UBE2G2: variants seen among roughly 807,000 people sequenced by gnomAD.
The protein encoded by UBE2G2 is ubiquitin conjugating enzyme E2 G2.
In UBE2G2, 10 loss-of-function variants were observed where a neutral mutation model predicts 23.0. That is an observed-to-expected ratio of 0.43 (90% CI 0.27 to 0.74). The LOEUF is 0.74. Among genes scored for constraint, UBE2G2 ranks in the 30% least tolerant of loss-of-function variants. The pLI is 0.19. For missense variants in UBE2G2, 150 were observed against 218.3 expected (o/e 0.69, Z 1.97); for synonymous variants, 86 against 81.3 (o/e 1.06, Z -0.31).
chr21:44,787,092 C>CAAA (rs11448217), intron 3 of UBE2G2, among the ~76,000 whole-genome samples: 1 of 141,122 alleles, frequency 7.1e-6, no homozygotes, highest in Non-Finnish European at 1.5e-5. Flanking sequence ...AACTCCATCT[C>CAAA]AAAAAAAAAA....
rs1293507381 is a variant in UBE2G2 at position 44,768,817 on chromosome 21, T to C, written c.*2560A>G. ...AAAGCTGCAAAATGTCATTTATAGG[T>C]TAGTGAACACATCCGTCTCACAGAC... is the stretch of plus-strand genomic sequence containing the variant. On this transcript the variant is annotated 3_prime_UTR_variant, in exon 6 of 6. Transcript: ENST00000345496. The C allele has an allele frequency of 1.3e-5, 2 of 152,204 alleles. No homozygotes were observed. Among genetic ancestry groups the C allele is most frequent in the Admixed American group, 6.5e-5 (1 of 15,280 alleles). 9.4% of individuals were successfully genotyped at this position (152,204 alleles called of 1,614,324 possible).
intron 3 of UBE2G2, among the ~76,000 whole-genome samples, chr21:44,779,507 AC>A (rs11373620): frequency 6.1e-5 from 9 of 148,752 alleles, no homozygotes; most frequent in South Asian, 4.3e-4. Flanking sequence ...CCGGATGAGT[AC>A]CCCCCCCGGC....
chr21:44,776,112 G>A (rs1179024453), intron 4 of UBE2G2, among the ~76,000 whole-genome samples: 1 of 152,136 alleles, frequency 6.6e-6, no homozygotes. Flanking sequence ...CACCAGTGAA[G>A]TGGCCGGGGG....
chr21:44,797,010 T>G (rs755351537), intron 1 of UBE2G2, among the ~76,000 whole-genome samples: 147 of 152,172 alleles, frequency 9.7e-4, no homozygotes, highest in Non-Finnish European at 1.4e-3. Flanking sequence ...TCCAGAATAA[T>G]CTCCCACTCT....
intron 4 of UBE2G2, 99 bp downstream of exon 4, chr21:44,777,200 A>C: frequency 1.0e-6 from 1 of 1,004,792 alleles, no homozygotes; most frequent in Admixed American, 2.2e-5. Flanking sequence ...CTAAAGATCT[A>C]CATCATAGAC....
At chr21:44,785,097 C>A (rs2082985106) in intron 3 of UBE2G2, among the ~76,000 whole-genome samples, 1 of 152,196 alleles carries the variant, frequency 6.6e-6, no homozygotes, top group Non-Finnish European at 1.5e-5. Context: ...TGGGCAAGAC[C>A]TGTAACCATC....
intron 1 of UBE2G2, among the ~76,000 whole-genome samples, chr21:44,791,853 G>A (rs1271268014): frequency 6.6e-6 from 1 of 152,204 alleles, no homozygotes; most frequent in African/African-American, 2.4e-5. Context: ...AGTAGCTGAA[G>A]GGGGTGGGTG....
intron 3 of UBE2G2, among the ~76,000 whole-genome samples, chr21:44,779,375 G>GGT (rs1569295271): frequency 1.5e-5 from 2 of 136,034 alleles, no homozygotes; most frequent in African/African-American, 5.3e-5. Flanking sequence ...CTGGGGTGGG[G>GGT]GGGGGGTACT....
chr21:44,783,349 CT>C (rs1555961539), intron 3 of UBE2G2, among the ~76,000 whole-genome samples: 2 of 152,216 alleles, frequency 1.3e-5, no homozygotes, highest in Non-Finnish European at 2.9e-5. Flanking sequence ...GGAAGATAGT[CT>C]GATAGTTTCT....
intron 4 of UBE2G2, 119 bp downstream of exon 4, chr21:44,777,177 TAAG>T (rs1345065992): frequency 1.2e-6 from 1 of 845,200 alleles, no homozygotes. Flanking sequence ...TTTCAAAACA[TAAG>T]AAGTGTTTTC....
At chr21:44,799,848 A>C (rs1555964482) in intron 1 of UBE2G2, 1 of 152,226 alleles carries the variant, frequency 6.6e-6, no homozygotes, top group African/African-American at 2.4e-5. Flanking sequence ...AATCATTTCT[A>C]GCTTTTGATT....
rs144254488 is a variant in UBE2G2, at chr21:44,770,996, C to G, written c.*381G>C. On this transcript the variant is annotated 3_prime_UTR_variant, in exon 6 of 6. Transcript: ENST00000345496. Reference sequence around the variant, plus strand: ...CAGGGCCCCATTTCTTCAGAAGGAGCGTTCTGGGTATTCCATCGTCCCCTG... The same window carrying G: ...CAGGGCCCCATTTCTTCAGAAGGAGGGTTCTGGGTATTCCATCGTCCCCTG... The G allele has an allele frequency of 6.0e-6, 1 of 165,832 alleles. No homozygotes were observed. Among genetic ancestry groups the G allele is most frequent in the African/African-American group, 2.4e-5 (1 of 41,786 alleles). The allele number at this position is 165,832 out of a possible 1,614,324, so 10.3% of individuals were successfully genotyped here.
At chr21:44,780,988 G>A (rs1314340692) in intron 3 of UBE2G2, among the ~76,000 whole-genome samples, 1 of 152,262 alleles carries the variant, frequency 6.6e-6, no homozygotes, top group African/African-American at 2.4e-5. Flanking sequence ...CGGTGTTCCA[G>A]GAACTGGTGC....
At chr21:44,794,812 C>T (rs927755231) in intron 1 of UBE2G2, among the ~76,000 whole-genome samples, 14 of 152,108 alleles carry the variant, frequency 9.2e-5, no homozygotes, top group South Asian at 2.1e-4. Flanking sequence ...GGATTACAGG[C>T]GTGAGCCACT....
intron 3 of UBE2G2, among the ~76,000 whole-genome samples, chr21:44,782,932 T>C (rs2082967718): frequency 6.6e-6 from 1 of 152,128 alleles, no homozygotes; most frequent in Admixed American, 6.5e-5. Context: ...AAAATCACAC[T>C]TCATCAAAAT....
intron 1 of UBE2G2, among the ~76,000 whole-genome samples, chr21:44,799,487 T>C (rs1162961131): frequency 6.6e-6 from 1 of 152,272 alleles, no homozygotes; most frequent in African/African-American, 2.4e-5. Context: ...TTTTCTGTTA[T>C]GGAGACAGGT....
intron 3 of UBE2G2, among the ~76,000 whole-genome samples, chr21:44,786,160 A>T (rs985090338): frequency 6.6e-6 from 1 of 152,370 alleles, no homozygotes; most frequent in South Asian, 2.1e-4. Flanking sequence ...CCCCTGCAGC[A>T]GGCGTGCTGC....
intron 3 of UBE2G2, among the ~76,000 whole-genome samples, chr21:44,784,224 G>C (rs1008305617): frequency 3.3e-5 from 5 of 152,030 alleles, no homozygotes; most frequent in African/African-American, 1.2e-4. Context: ...AGAGGAGGGA[G>C]GAGAGGAGAG....
intron 4 of UBE2G2, among the ~76,000 whole-genome samples, chr21:44,776,185 A>G (rs1455942548): frequency 2.6e-5 from 4 of 152,206 alleles, no homozygotes; most frequent in Non-Finnish European, 5.9e-5. Flanking sequence ...AAAAGGAAAA[A>G]ATAAAAACTA....
Sources: allele counts gnomAD v4.1 joint callset (sites outside exome capture counted in the v4.1 genomes callset), GRCh38; gene constraint gnomAD v4.1.1; transcripts MANE v1.5; gene names NCBI Gene and HGNC (gene_info 2026-07-23, HGNC 2026-07-21).